The following ABCA1 variants were observed in gnomAD, a reference collection of about 807,000 sequenced individuals.
ABCA1 encodes ATP binding cassette subfamily A member 1, also known as phospholipid-transporting ATPase ABCA1.
Under a neutral mutation model 262.5 loss-of-function variants are expected in ABCA1, and 133 were observed. That is an observed-to-expected ratio of 0.51 (90% CI 0.44 to 0.59). The LOEUF is 0.59. Ranked by LOEUF, ABCA1 falls within the 20% of genes least tolerant of loss-of-function variation. The pLI, the probability that ABCA1 is intolerant of heterozygous loss-of-function variation, is 0.00. For synonymous variants in ABCA1, 1,022 were observed against 1,043.5 expected, an observed-to-expected ratio of 0.98 and a Z score of 0.40; for missense variants, 2,452 against 2,777.5, an observed-to-expected ratio of 0.88 and a Z score of 2.63.
At chr9:104,858,830 A>T (rs1663375916) in intron 6 of ABCA1, 132 bp from the exon 7 acceptor site, 1 of 850,142 alleles carries the variant, frequency 1.2e-6, no homozygotes, top group East Asian at 2.6e-5. Flanking sequence ...CCATTGCAAC[A>T]GTCCAATGCA....
chr9:104,891,144 C>T (rs562912186), intron 2 of ABCA1, among the ~76,000 whole-genome samples: 5 of 152,178 alleles, frequency 3.3e-5, no homozygotes, highest in East Asian at 1.9e-4. Context: ...GCTAGGTGCT[C>T]GTGCTTCAGA....
chr9:104,816,755 T>A (rs1831811113), intron 24 of ABCA1, among the ~76,000 whole-genome samples: 1 of 152,140 alleles, frequency 6.6e-6, no homozygotes, highest in African/African-American at 2.4e-5. Flanking sequence ...TCTTAAAAGA[T>A]TCTTCACCCT....
At chr9:104,858,203 T>C (rs1836015731) in intron 7 of ABCA1, among the ~76,000 whole-genome samples, 1 of 152,146 alleles carries the variant, frequency 6.6e-6, no homozygotes, top group Admixed American at 6.5e-5. Flanking sequence ...TGAAGAACTC[T>C]GTTTTCAAAT....
chr9:104,835,500 C>G (rs1833742323), intron 11 of ABCA1, among the ~76,000 whole-genome samples: 2 of 152,168 alleles, frequency 1.3e-5, no homozygotes, highest in African/African-American at 4.8e-5. Context: ...GGCCTCATTT[C>G]TTGCTTTATG....
chr9:104,781,686 G>A lies in ABCA1; in HGVS notation c.*2629C>T, dbSNP rs1028819184. The A allele has an allele frequency of 6.6e-6, 1 of 152,540 alleles. No homozygotes were observed. The highest frequency in any genetic ancestry group is 1.9e-4 in the East Asian group (1 of 5,200). 9.4% of individuals were successfully genotyped at this position (152,540 alleles called of 1,614,324 possible). A position where few individuals can be genotyped will look rare whatever the true frequency, so the allele number is the denominator to read the frequency against. On this transcript the variant is annotated 3_prime_UTR_variant, in exon 50 of 50. Transcript: ENST00000374736. Reference sequence around the variant, plus strand: ...TGTGCTGGGCATTTATGTATAGAGGGCTTATTATTTTCTTCTGTATTTCTC... The same window carrying A: ...TGTGCTGGGCATTTATGTATAGAGGACTTATTATTTTCTTCTGTATTTCTC...
chr9:104,862,388 C>T (rs1462398007), intron 5 of ABCA1, among the ~76,000 whole-genome samples: 2 of 103,946 alleles, frequency 1.9e-5, no homozygotes, highest in East Asian at 6.9e-4. Context: ...ACAGTACAGG[C>T]GTGAGCCACC....
chr9:104,800,393 G>C, intron 35 of ABCA1, 117 bp downstream of exon 35: 2 of 964,678 alleles, frequency 2.1e-6, no homozygotes, highest in Non-Finnish European at 3.3e-6. Context: ...AAAGTTAATA[G>C]TTTGCTCTTT....
rs1446583768 is a variant in ABCA1 at position 104,817,144 on chromosome 9, G to C, written c.3535+188C>G. ...CTGCTAGCTCCCAAACCGAGCCCCAGGCACCCCAGCAAGCATTAGGCCAAC... is the reference window on the plus strand; with the variant it reads ...CTGCTAGCTCCCAAACCGAGCCCCACGCACCCCAGCAAGCATTAGGCCAAC... On this transcript the variant is annotated intron_variant, in intron 24 of 49. Transcript: ENST00000374736. The surrounding 1 kb of genome is among the most constrained non-coding windows in gnomAD (Gnocchi z 4.7). 3 of 932,558 alleles carry C rather than the reference G, an allele frequency of 3.2e-6. No individual in the cohort carries two copies. The African/African-American group carries it at 5.4e-5, about 17-fold the overall frequency. 57.8% of individuals were successfully genotyped at this position (932,558 alleles called of 1,614,324 possible).
chr9:104,910,148 C>CATACA (rs1841409311), intron 1 of ABCA1, among the ~76,000 whole-genome samples: 1 of 152,158 alleles, frequency 6.6e-6, no homozygotes, highest in Non-Finnish European at 1.5e-5. Context: ...AGTCTCCAAG[C>CATACA]AGGGATCATA....
intron 2 of ABCA1, among the ~76,000 whole-genome samples, chr9:104,893,421 CAAAAAAAAAAAAAAA>C (rs34544647): frequency 0.015 from 518 of 35,284 alleles, 10 homozygotes; most frequent in Admixed American, 0.023. Context: ...GACTTCACCT[CAAAAAAAAAAAAAAA>C]AAAAAAAAAA....
At chr9:104,866,826 A>G (rs989274083) in intron 5 of ABCA1, among the ~76,000 whole-genome samples, 1 of 152,038 alleles carries the variant, frequency 6.6e-6, no homozygotes, top group African/African-American at 2.4e-5. Context: ...TATGTTTTCC[A>G]CTAGTACCAC....
intron 5 of ABCA1, among the ~76,000 whole-genome samples, chr9:104,866,122 C>T (rs80272611): frequency 0.013 from 2,011 of 152,164 alleles, 48 homozygotes; most frequent in African/African-American, 0.045. Context: ...ATGACAACGA[C>T]CAGGACATTT....
At chr9:104,852,298 G>C (rs1835442850) in intron 7 of ABCA1, among the ~76,000 whole-genome samples, 1 of 152,176 alleles carries the variant, frequency 6.6e-6, no homozygotes. Flanking sequence ...TGACAGTAAA[G>C]ATTTCCTCTG....
At position 104,793,050 on chromosome 9, in the gene ABCA1, A is replaced by T. The variant is rs908511603; in HGVS notation, c.5636+121T>A. On this transcript the variant is annotated intron_variant, in intron 41 of 49. Coordinates refer to ENST00000374736, the MANE Select transcript of ABCA1 (RefSeq NM_005502.4). ...GGCTGCGGGATGCCCACATCAGGAA[A>T]ATCAGTTTTATCACATATTTTGAGT... The T allele has an allele frequency of 3.2e-6, 5 of 1,585,384 alleles. No individual in the cohort carries two copies. The East Asian group carries it at 1.1e-4, about 35-fold the overall frequency.
chr9:104,799,355 G>T, intron 36 of ABCA1: 1 of 744,778 alleles, frequency 1.3e-6, no homozygotes, highest in Non-Finnish European at 1.6e-6. Flanking sequence ...TGACTCCAAA[G>T]GCTGCATACT....
chr9:104,860,962 G>C lies in ABCA1; in HGVS notation c.543+717C>G, dbSNP rs563905489. On this transcript the variant is annotated intron_variant, in intron 6 of 49. Coordinates refer to ENST00000374736, the MANE Select transcript of ABCA1 (RefSeq NM_005502.4). ...AGTAGAGACAGGCTTTGCCATGTTG[G>C]CCAGGATGGTCTCGAACTCCTGACC... Among the ~76,000 whole-genome samples the C allele has an allele frequency of 8.7e-4, 133 of 152,112 alleles. No individual in the cohort carries two copies. The Middle Eastern group carries it at 0.017, about 19-fold the overall frequency.
At chr9:104,899,880 G>A (rs1201019229) in intron 2 of ABCA1, among the ~76,000 whole-genome samples, 1 of 152,166 alleles carries the variant, frequency 6.6e-6, no homozygotes, top group Non-Finnish European at 1.5e-5. Flanking sequence ...AAGCTCTGAA[G>A]TTCTCTTCCC....
rs762780143 is a variant in ABCA1, at chr9:104,814,045, A to G, written c.3901+73T>C. The stretch of plus-strand genomic sequence containing the variant: ...CACCTTGGCTAAAGGCCATCCAAAG[A>G]AAACAGGTGAGAGCATGAGAGAGAA... On this transcript the variant is annotated intron_variant, in intron 27 of 49. Coordinates refer to ENST00000374736, the MANE Select transcript of ABCA1 (RefSeq NM_005502.4). The G allele has an allele frequency of 8.1e-5, 122 of 1,504,190 alleles. No individual in the cohort carries two copies. The African/African-American group carries it at 1.5e-3, about 18-fold the overall frequency. The allele number at this position is 1,504,190 out of a possible 1,614,324, so 93.2% of individuals were successfully genotyped here. A position where few individuals can be genotyped will look rare whatever the true frequency, so the allele number is the denominator to read the frequency against.
At chr9:104,892,700 A>C (rs1839856868) in intron 2 of ABCA1, among the ~76,000 whole-genome samples, 1 of 152,144 alleles carries the variant, frequency 6.6e-6, no homozygotes, top group African/African-American at 2.4e-5. Flanking sequence ...GGAAATATAA[A>C]TCAGTTGAGC....
Sources: gnomAD v4.1 joint callset for allele counts (sites outside exome capture counted in the v4.1 genomes callset) on GRCh38, gnomAD v4.1.1 for gene constraint, Gnocchi (gnomAD v3.1) non-coding constraint, MANE v1.5 for transcripts, NCBI Gene and HGNC (gene_info 2026-07-23, HGNC 2026-07-21) for gene names.